SDHA: variants seen among roughly 807,000 people sequenced by gnomAD.
SDHA encodes succinate dehydrogenase complex flavoprotein subunit A.
Under a neutral mutation model 78.4 loss-of-function variants are expected in SDHA, and 48 were observed. That is an observed-to-expected ratio of 0.61 (90% CI 0.49 to 0.78). The LOEUF (loss-of-function observed/expected upper bound fraction) is 0.78, where lower values mean the gene tolerates loss of function less well. SDHA is among the 30% of genes least tolerant of loss of function. The pLI is 0.00. For missense variants in SDHA, 680 were observed against 892.7 expected (o/e 0.76, Z 3.04); for synonymous variants, 326 against 353.9 (o/e 0.92, Z 0.88).
At chr5:251,554 T>C (rs747445380) in intron 13 of SDHA, 86 bp downstream of exon 13, 1 of 1,601,760 alleles carries the variant, frequency 6.2e-7, no homozygotes. Flanking sequence ...TTCTCTGCAT[T>C]TTCTTTCGTT....
chr5:249,166 T>C, intron 11 of SDHA: 2 of 376,140 alleles, frequency 5.3e-6, no homozygotes, highest in Non-Finnish European at 1.0e-5. Flanking sequence ...TTAAAATGGA[T>C]AAAAACACTT....
rs201953257 is a variant in SDHA, at chr5:224,569, G to A, written c.312+48G>A. 5.9e-3 allele frequency: 9,467 copies of A among 1,599,304 alleles called. 39 individuals are homozygous for A. Among genetic ancestry groups the A allele is most frequent in the African/African-American group, 9.4e-3 (699 of 74,084 alleles). On this transcript the variant is annotated intron_variant, in intron 3 of 14. Transcript: ENST00000264932. ...TGCTCCCACTCCGTGCAGGTCCCGC[G>A]CAGCCTCGCACTTTCTACCTGGGCA...
chr5:227,878 C>T (rs113438548), intron 5 of SDHA: 67,524 of 393,594 alleles, frequency 0.17, 9,687 homozygotes, highest in African/African-American at 0.53. Context: ...CACCAGACTC[C>T]GAGTGGAGCT....
At chr5:237,616 A>G (rs1735864590) in intron 10 of SDHA, among the ~76,000 whole-genome samples, 2 of 133,828 alleles carry the variant, frequency 1.5e-5, no homozygotes. Flanking sequence ...CGTGGCAAGG[A>G]TGGTGGGACC....
rs765611464 is a variant in SDHA, at chr5:230,917, C to G, written c.812C>G (p.Thr271Ser). Reference protein sequence around the residue: ...RTYFSCTSAHTSTGDGTAMIT... With the variant: ...RTYFSCTSAHSSTGDGTAMIT... ...TACTTCAGCTGCACGTCTGCCCACA[C>G]CAGCACTGGCGACGGCACGGCCATG... Residue 271 changes from threonine (T) to serine (S), a missense_variant, in exon 7 of 15, where the codon ACC (threonine) becomes AGC (serine). Transcript: ENST00000264932. 5 of 1,613,974 alleles carry G rather than the reference C, an allele frequency of 3.1e-6. No individual in the cohort carries two copies. The African/African-American group carries it at 4.0e-5, about 13-fold the overall frequency.
At chr5:266,496 G>C in the SDHA span, among the ~76,000 whole-genome samples, 1 of 152,080 alleles carries the variant, frequency 6.6e-6, no homozygotes, top group African/African-American at 2.4e-5. Context: ...AAATGTAAAT[G>C]TTTATAGTAC....
chr5:258,511 G>GC (rs201346566), downstream of SDHA, among the ~76,000 whole-genome samples: 1 of 108,374 alleles, frequency 9.2e-6, no homozygotes, highest in Non-Finnish European at 1.7e-5. Flanking sequence ...TGTGAGCTCC[G>GC]CCCCCTGCCA....
At chr5:250,489 G>T (rs1011290855) in intron 11 of SDHA, 4 of 232,040 alleles carry the variant, frequency 1.7e-5, no homozygotes, top group Admixed American at 1.6e-4. Context: ...ATGGGCCAAG[G>T]GCCCCAGCCA....
intron 11 of SDHA, among the ~76,000 whole-genome samples, chr5:243,717 A>G (rs1736278633): frequency 6.6e-6 from 1 of 152,206 alleles, no homozygotes; most frequent in Non-Finnish European, 1.5e-5. Context: ...TGCAGTTATC[A>G]GCTTTCGACA....
At chr5:252,970 T>C (rs1401620486) in intron 13 of SDHA, 8 of 152,648 alleles carry the variant, frequency 5.2e-5, no homozygotes, top group Admixed American at 5.2e-4. Flanking sequence ...TAAGCCACCA[T>C]TTCAGACCTG....
chr5:260,659 G>T (rs372334616), downstream of SDHA, among the ~76,000 whole-genome samples: 1 of 13,876 alleles, frequency 7.2e-5, no homozygotes, highest in Non-Finnish European at 1.4e-4. Flanking sequence ...TCCCGTCAGA[G>T]CATTACCGTG....
chr5:236,400 A>C (rs1735777940), intron 9 of SDHA, 28 bp from the exon 10 acceptor site: 4 of 1,611,238 alleles, frequency 2.5e-6, no homozygotes, highest in Non-Finnish European at 3.4e-6. Flanking sequence ...GCACCTTGAC[A>C]TTTCACCTGA....
chr5:263,644 AAAAC>A, the SDHA span, among the ~76,000 whole-genome samples: 1 of 152,234 alleles, frequency 6.6e-6, no homozygotes, highest in Non-Finnish European at 1.5e-5. Flanking sequence ...ATGCGAACCA[AAAAC>A]AAAGGTGAAA....
At chr5:262,976 G>A in the SDHA span, among the ~76,000 whole-genome samples, 1 of 152,086 alleles carries the variant, frequency 6.6e-6, no homozygotes, top group Non-Finnish European at 1.5e-5. Context: ...GTCTTGCCAT[G>A]CTGCCCAGGC....
At chr5:267,265 A>AG in the SDHA span, among the ~76,000 whole-genome samples, 1 of 152,106 alleles carries the variant, frequency 6.6e-6, no homozygotes. Flanking sequence ...CCAGGACAGG[A>AG]GGGGGTGCCA....
intron 11 of SDHA, among the ~76,000 whole-genome samples, chr5:241,407 T>C (rs10061759): frequency 0.24 from 36,642 of 152,178 alleles, 6,852 homozygotes; most frequent in African/African-American, 0.52. Flanking sequence ...TAAGCTGGAC[T>C]TGTTGCTGCC....
intron 6 of SDHA, among the ~76,000 whole-genome samples, chr5:228,690 C>T (rs903293203): frequency 1.3e-5 from 2 of 152,172 alleles, no homozygotes; most frequent in African/African-American, 4.8e-5. Context: ...GATACTGATT[C>T]CTCGGGTGGG....
chr5:239,140 G>A (rs567584798), intron 10 of SDHA, among the ~76,000 whole-genome samples: 2 of 116,166 alleles, frequency 1.7e-5, no homozygotes, highest in African/African-American at 9.5e-5. Context: ...GGTGGTGGGC[G>A]GGGTGGGGCC....
chr5:240,328 A>C, intron 10 of SDHA, 30 bp from the exon 11 acceptor site: 2 of 1,462,596 alleles, frequency 1.4e-6, no homozygotes, highest in Non-Finnish European at 1.9e-6. Context: ...CGGTTTTCAA[A>C]AGTTAAATTC....
Sources: allele counts gnomAD v4.1 joint callset (sites outside exome capture counted in the v4.1 genomes callset), GRCh38; gene constraint gnomAD v4.1.1; transcripts MANE v1.5; gene names NCBI Gene and HGNC (gene_info 2026-07-23, HGNC 2026-07-21).